Variants in ERBB3 observed in about 807,000 individuals in gnomAD.
ERBB3 encodes the protein receptor tyrosine-protein kinase erbB-3.
A neutral mutation model predicts 156.7 loss-of-function variants in ERBB3; 96 were observed. The ratio of observed to expected loss-of-function variants is 0.61; its 90% confidence interval spans 0.52 to 0.73. The LOEUF (loss-of-function observed/expected upper bound fraction) is 0.73. Ranked by LOEUF, ERBB3 falls within the 30% of genes least tolerant of loss-of-function variation. The pLI, the probability that ERBB3 is intolerant of heterozygous loss-of-function variation, is 0.00. For synonymous variants in ERBB3, 567 were observed against 632.0 expected (o/e 0.90, Z 1.54); for missense variants, 1,406 against 1,709.4 (o/e 0.82, Z 3.13).
intron 12 of ERBB3, 106 bp from the exon 13 acceptor site, chr12:56,093,658 G>C: frequency 6.4e-7 from 1 of 1,570,744 alleles, no homozygotes; most frequent in Non-Finnish European, 8.7e-7. Context: ...ATGGAACCAA[G>C]GAGAAGGGGG....
intron 15 of ERBB3, among the ~76,000 whole-genome samples, chr12:56,094,951 C>CAAAA (rs11425044): frequency 7.2e-6 from 1 of 139,792 alleles, no homozygotes; most frequent in Non-Finnish European, 1.5e-5. Context: ...AACTCTGTCT[C>CAAAA]AAAAAAAAAA....
rs373016496 is a variant in ERBB3 at position 56,080,289 on chromosome 12, C to G, written c.-12C>G. On this transcript the variant is annotated 5_prime_UTR_variant, in exon 1 of 28. Transcript: ENST00000267101. ...CGGACTTGGCTGGGCTCCCTTCACC[C>G]TCTGCGGAGTCATGAGGGCGAACGA... 5.1e-6 allele frequency: 8 copies of G among 1,557,732 alleles called. No individual in the cohort carries two copies. In the Admixed American group the frequency reaches 1.3e-4, roughly 26 times the overall value.
intron 19 of ERBB3, 98 bp from the exon 20 acceptor site, chr12:56,096,947 C>G (rs1868908362): frequency 1.4e-6 from 2 of 1,404,318 alleles, no homozygotes; most frequent in Non-Finnish European, 2.0e-6. Flanking sequence ...ACTATGTTAG[C>G]CAGAATGTTG....
intron 1 of ERBB3, chr12:56,083,228 T>C: frequency 4.6e-6 from 1 of 218,582 alleles, no homozygotes; most frequent in African/African-American, 2.3e-5. Flanking sequence ...CATTGTGGGC[T>C]GGACTGTGGC....
intron 3 of ERBB3, chr12:56,085,627 A>G: frequency 4.2e-6 from 1 of 238,634 alleles, no homozygotes; most frequent in Admixed American, 5.0e-5. Flanking sequence ...AGCTGGCTAT[A>G]GTGGTGCGCA....
rs1868855190 is a variant in ERBB3 at position 56,095,318 on chromosome 12, G to A, written c.1913+8G>A. ...AACACTGGTGCTGATCGGGTATGAT[G>A]GGGTTGGAGATTCTGGAAACTGGGG... On this transcript the variant is annotated splice_region_variant and intron_variant, in intron 16 of 27. Transcript: ENST00000267101. 6.2e-7 allele frequency: 1 copy of A among 1,611,882 alleles called. No individual in the cohort carries two copies. Among genetic ancestry groups the A allele is most frequent in the African/African-American group, 1.3e-5 (1 of 74,868 alleles).
At chr12:56,092,158 G>A (rs1238684943) in intron 9 of ERBB3, among the ~76,000 whole-genome samples, 4 of 151,366 alleles carry the variant, frequency 2.6e-5, no homozygotes, top group African/African-American at 9.7e-5. Context: ...GGGAGGCCGA[G>A]GCGGGCGGAT....
In ERBB3 at chr12:56,101,628, A is replaced by C; in HGVS notation, c.3602A>C (p.Asn1201Thr). The C allele has an allele frequency of 6.2e-7, 1 of 1,613,900 alleles. No individual in the cohort carries two copies. Among genetic ancestry groups the C allele is most frequent in the Non-Finnish European group, 8.5e-7 (1 of 1,179,998 alleles). The change falls in exon 28 of 28, where the codon AAC becomes ACC. Residue 1201 changes from asparagine to threonine, a missense_variant. Around this residue, in one of 3 missense-constraint regions of ERBB3, gnomAD observed 415 missense variants for 454.1 expected, o/e 0.91. Coordinates refer to ENST00000267101, the MANE Select transcript of ERBB3 (RefSeq NM_001982.4). Reference protein sequence around the residue: ...EDEDEEYEYMNRRRRHSPPHP... With the variant: ...EDEDEEYEYMTRRRRHSPPHP... ...GAAGATGAGGAGTATGAATACATGA[A>C]CCGGAGGAGAAGGCACAGTCCACCT...
chr12:56,089,940 A>T lies in ERBB3; in HGVS notation c.1109+1072A>T, dbSNP rs182687492. ...TTTTCCTTTAATTTTTTATTTTGAC[A>T]TAATTTTAGATCTACACTAAAGTTG... On this transcript the variant is annotated intron_variant, in intron 9 of 27. Coordinates refer to ENST00000267101, the MANE Select transcript of ERBB3 (RefSeq NM_001982.4). Among the ~76,000 whole-genome samples the T allele has an allele frequency of 6.5e-3, 829 of 127,540 alleles. 1 individual carries two copies. The highest frequency in any genetic ancestry group is 0.011 in the Non-Finnish European group (636 of 58,320). 83.7% of individuals were successfully genotyped at this position (127,540 alleles called of 152,430 possible).
chr12:56,088,930 T>C (rs1426947856), intron 9 of ERBB3, 62 bp downstream of exon 9: 3 of 1,609,668 alleles, frequency 1.9e-6, no homozygotes, highest in Non-Finnish European at 2.5e-6. Flanking sequence ...GTTCATTTCA[T>C]TGGCCAAAAC....
rs752771982 is a variant in ERBB3 at position 56,080,283 on chromosome 12, T to G, written c.-18T>G. The stretch of plus-strand genomic sequence containing the variant: ...CCGGGCCGGACTTGGCTGGGCTCCC[T>G]TCACCCTCTGCGGAGTCATGAGGGC... On this transcript the variant is annotated 5_prime_UTR_variant, in exon 1 of 28. Transcript: ENST00000267101. 12 of 1,554,320 alleles carry G rather than the reference T, an allele frequency of 7.7e-6. No individual in the cohort carries two copies. The highest frequency in any genetic ancestry group is 1.0e-5 in the Non-Finnish European group (12 of 1,147,776).
intron 9 of ERBB3, among the ~76,000 whole-genome samples, chr12:56,089,424 T>A (rs963521938): frequency 1.3e-5 from 2 of 152,160 alleles, no homozygotes; most frequent in African/African-American, 4.8e-5. Flanking sequence ...CTTAAAGTTT[T>A]GTAAAAGTTC....
At chr12:56,084,598 CA>C (rs34576601) in intron 2 of ERBB3, among the ~76,000 whole-genome samples, 10,370 of 125,484 alleles carry the variant, frequency 0.083, 398 homozygotes, top group African/African-American at 0.095. Context: ...CCTGTCTCAC[CA>C]AAAAAAAAAA....
Position 56,096,821 on chromosome 12 carries a change from G to A in ERBB3, c.2249G>A (p.Arg750Gln), listed in dbSNP as rs770870486. 2.6e-5 allele frequency: 42 copies of A among 1,613,534 alleles called. No homozygotes were observed. The highest frequency in any genetic ancestry group is 5.5e-5 in the South Asian group (5 of 91,070). ...CIKVIEDKSG[R>Q]QSFQAVTDHM... ...AAAGTCATTGAGGACAAGAGTGGAC[G>A]GCAGAGTTTTCAAGCTGTGACAGAT... Residue 750 changes from arginine (R) to glutamine (Q), a missense_variant, in exon 19 of 28, where the codon CGG becomes CAG. Transcript: ENST00000267101.
intron 9 of ERBB3, among the ~76,000 whole-genome samples, chr12:56,091,195 G>A (rs956292315): frequency 2.1e-5 from 3 of 142,004 alleles, no homozygotes; most frequent in East Asian, 2.0e-4. Context: ...TCTGCCTCCC[G>A]TGCTCAAGCG....
chr12:56,099,030 C>T (rs2136823795), intron 23 of ERBB3, 125 bp downstream of exon 23: 1 of 884,342 alleles, frequency 1.1e-6, no homozygotes, highest in East Asian at 2.6e-5. Context: ...TCAATCTTGG[C>T]TCACTACAAC....
Position 56,094,398 on chromosome 12 carries a change from T to G in ERBB3, c.1705-4T>G. The G allele has an allele frequency of 1.2e-6, 2 of 1,614,126 alleles. No individual in the cohort carries two copies. Among genetic ancestry groups the G allele is most frequent in the Non-Finnish European group, 1.7e-6 (2 of 1,180,012 alleles). ...TTCTTCCTGACCTTCTCTCTTCCAC[T>G]CAGGGCTCTGATACTTGTGCTCAAT... On this transcript the variant is annotated splice_polypyrimidine_tract_variant and splice_region_variant and intron_variant, in intron 14 of 27. Transcript: ENST00000267101.
intron 21 of ERBB3, 152 bp downstream of exon 21, chr12:56,098,092 C>A (rs1280568155): frequency 2.2e-5 from 17 of 788,068 alleles, no homozygotes; most frequent in Non-Finnish European, 3.0e-5. Context: ...CAGAGGGCAA[C>A]AAATAAAATA....
chr12:56,085,238 C>T (rs773866522), intron 3 of ERBB3, 57 bp downstream of exon 3: 1 of 1,613,870 alleles, frequency 6.2e-7, no homozygotes, highest in Non-Finnish European at 8.5e-7. Flanking sequence ...AGACTGGTAC[C>T]TCCTTGATGA....
Sources: gnomAD v4.1 joint callset for allele counts (sites outside exome capture counted in the v4.1 genomes callset) on GRCh38, gnomAD v4.1.1 for gene constraint, gnomAD v4.1.1 regional missense constraint, MANE v1.5 for transcripts, NCBI Gene and HGNC (gene_info 2026-07-23, HGNC 2026-07-21) for gene names.